AFF1: variants seen among roughly 807,000 people sequenced by gnomAD.
The protein encoded by AFF1 is AF4/FMR2 family member 1.
Under a neutral mutation model 121.7 loss-of-function variants are expected in AFF1, and 48 were observed. The observed-to-expected ratio is 0.39, with a 90% CI of 0.31 to 0.50. AFF1 has a LOEUF of 0.50. Among genes scored for constraint, AFF1 ranks in the 20% least tolerant of loss-of-function variants. AFF1 has a pLI of 0.76. For synonymous variants in AFF1, 613 were observed against 563.0 expected (o/e 1.09, Z -1.26); for missense variants, 1,523 against 1,511.7 (o/e 1.01, Z -0.12).
At chr4:87,098,430 G>C (rs1243992913) in intron 8 of AFF1, among the ~76,000 whole-genome samples, 1 of 152,140 alleles carries the variant, frequency 6.6e-6, no homozygotes, top group Non-Finnish European at 1.5e-5. Flanking sequence ...TCTGTGAAGT[G>C]CTGAGGACAA....
intron 2 of AFF1, among the ~76,000 whole-genome samples, chr4:86,998,168 AAGT>A (rs1194073843): frequency 1.3e-5 from 2 of 151,200 alleles, no homozygotes; most frequent in African/African-American, 4.9e-5. Context: ...AAGAGGGCAG[AAGT>A]AGAACCAATG....
Position 87,134,522 on chromosome 4 carries a change from C to G in AFF1, c.3363C>G (p.Ser1121=), listed in dbSNP as rs138900630. ...CCCCAATGCCTTCTCCTGCCAGCTCCGTAGGGTCCCAGTCAAGTGCTGGCA... is the reference window on the plus strand; with the variant it reads ...CCCCAATGCCTTCTCCTGCCAGCTCGGTAGGGTCCCAGTCAAGTGCTGGCA... ...PLSPMPSPAS[S]VGSQSSAGSV... Residue 1121 remains serine (S), a synonymous_variant, in exon 20 of 21, where the codon TCC becomes TCG. Coordinates refer to ENST00000395146, the MANE Select transcript of AFF1 (RefSeq NM_001166693.3). 1.2e-6 allele frequency: 2 copies of G among 1,613,302 alleles called. No individual in the cohort carries two copies. Among genetic ancestry groups the G allele is most frequent in the African/African-American group, 2.7e-5 (2 of 74,864 alleles).
At chr4:87,041,374 C>G (rs1163454276) in intron 2 of AFF1, among the ~76,000 whole-genome samples, 11 of 152,044 alleles carry the variant, frequency 7.2e-5, no homozygotes, top group Admixed American at 6.5e-4. Flanking sequence ...TTGGTAAGCC[C>G]CAAAAAGGAT....
intron 1 of AFF1, among the ~76,000 whole-genome samples, chr4:86,947,073 C>T (rs966654269): frequency 9.2e-5 from 14 of 152,002 alleles, no homozygotes; most frequent in Admixed American, 5.9e-4. Context: ...GTAGAGCTAG[C>T]GATGCAGAGA....
In AFF1 at chr4:87,134,508, TCTC is replaced by T; in HGVS notation, c.3352_3354del (p.Pro1118del). 1 of 1,611,856 alleles carries T rather than the reference TCTC, an allele frequency of 6.2e-7. No homozygotes were observed. The highest frequency in any genetic ancestry group is 8.5e-7 in the Non-Finnish European group (1 of 1,179,002). ...ACCATCCCCTCTTTCCCCAATGCCT[TCTC>T]CTGCCAGCTCCGTAGGGTCCCAGTC... is the stretch of plus-strand genomic sequence containing the variant. On this transcript the variant is annotated inframe_deletion, in exon 20 of 21. Transcript: ENST00000395146.
intron 12 of AFF1, among the ~76,000 whole-genome samples, chr4:87,123,921 A>G (rs1447171573): frequency 6.6e-6 from 1 of 152,224 alleles, no homozygotes; most frequent in Admixed American, 6.5e-5. Context: ...TAACTTGGTG[A>G]CCTGACACTT....
chr4:86,980,349 G>A (rs1381796245), intron 2 of AFF1, among the ~76,000 whole-genome samples: 3 of 152,188 alleles, frequency 2.0e-5, no homozygotes, highest in African/African-American at 7.2e-5. Context: ...AAACCCAGCT[G>A]GGCATGGCGG....
chr4:87,065,109 A>T (rs951047760), intron 4 of AFF1, among the ~76,000 whole-genome samples: 29 of 152,284 alleles, frequency 1.9e-4, no homozygotes, highest in African/African-American at 6.7e-4. Flanking sequence ...CTGCTTTCAC[A>T]CTGCTGATAA....
intron 3 of AFF1, 25 bp from the exon 4 acceptor site, chr4:87,046,670 T>G (rs755272348): frequency 2.5e-6 from 4 of 1,576,584 alleles, no homozygotes; most frequent in Non-Finnish European, 3.4e-6. Flanking sequence ...TTTTTTTTCA[T>G]TCTCAAATTC....
intron 2 of AFF1, among the ~76,000 whole-genome samples, chr4:86,986,331 C>T (rs1295901390): frequency 6.6e-5 from 10 of 152,050 alleles, no homozygotes; most frequent in Admixed American, 6.6e-5. Context: ...CTTGGCCTCC[C>T]GTAGTGCTGT....
At chr4:87,108,075 G>C (rs1448696026) in intron 10 of AFF1, 84 bp from the exon 11 acceptor site, 1 of 1,490,728 alleles carries the variant, frequency 6.7e-7, no homozygotes, top group South Asian at 1.3e-5. Context: ...CCGCCCTTTT[G>C]AGTAGCAGGA....
intron 4 of AFF1, among the ~76,000 whole-genome samples, chr4:87,076,442 C>A (rs1311310630): frequency 6.6e-6 from 1 of 152,152 alleles, no homozygotes; most frequent in African/African-American, 2.4e-5. Flanking sequence ...GAGCTTATCA[C>A]TTTTAAGGAA....
At chr4:87,006,995 T>G (rs1310058186) in intron 2 of AFF1, 15 of 1,083,354 alleles carry the variant, frequency 1.4e-5, no homozygotes, top group Non-Finnish European at 1.7e-5. Flanking sequence ...AGAGGCAATT[T>G]CTTTTCCTTT....
Position 87,126,413 on chromosome 4 carries a change from T to TA in AFF1, c.2811+78dup, listed in dbSNP as rs368998996. The TA allele has an allele frequency of 7.3e-4, 1,009 of 1,376,982 alleles. 10 individuals carry two copies. The African/African-American group carries it at 0.013, about 18-fold the overall frequency. 85.3% of individuals were successfully genotyped at this position (1,376,982 alleles called of 1,614,324 possible). On this transcript the variant is annotated intron_variant, in intron 14 of 20. Transcript: ENST00000395146. ...TACGTTCCCAAAGAAGACAAGTTGC[T>TA]AGTGATGGCACTTCAGAACTGTCCA...
chr4:86,975,809 A>T (rs572510820), intron 2 of AFF1, among the ~76,000 whole-genome samples: 79 of 152,296 alleles, frequency 5.2e-4, no homozygotes, highest in Middle Eastern at 3.4e-3. Context: ...GACAGAAGTC[A>T]AATATTTAAA....
intron 4 of AFF1, among the ~76,000 whole-genome samples, chr4:87,060,685 A>G (rs1202136660): frequency 1.3e-5 from 2 of 151,976 alleles, no homozygotes; most frequent in African/African-American, 4.8e-5. Context: ...CTAAAAATAC[A>G]AAAATTAGCC....
chr4:87,092,544 GCC>G (rs1017664012), intron 7 of AFF1, among the ~76,000 whole-genome samples: 1 of 151,920 alleles, frequency 6.6e-6, no homozygotes, highest in Non-Finnish European at 1.5e-5. Context: ...TTCTTTTTCA[GCC>G]TGAGGGTTAA....
In AFF1 at chr4:86,988,418, C is replaced by T. The variant is rs111240103; in HGVS notation, c.38+39847C>T. ...GCTACCACATTTGAGTAAAAACATG[C>T]GATATTTGCCTATCTGTAGGACCTT... On this transcript the variant is annotated intron_variant, in intron 2 of 20. Transcript: ENST00000395146. Among the ~76,000 whole-genome samples, 1,400 of 151,978 alleles carry T rather than the reference C, an allele frequency of 9.2e-3. 9 individuals carry two copies. Among genetic ancestry groups the T allele is most frequent in the Non-Finnish European group, 0.015 (989 of 67,968 alleles).
At chr4:86,952,970 C>T (rs1721477364) in intron 2 of AFF1, among the ~76,000 whole-genome samples, 1 of 149,206 alleles carries the variant, frequency 6.7e-6, no homozygotes, top group African/African-American at 2.5e-5. Flanking sequence ...CTACCCACCC[C>T]CACCTTCAGC....
Sources: allele counts gnomAD v4.1 joint callset (sites outside exome capture counted in the v4.1 genomes callset), GRCh38; gene constraint gnomAD v4.1.1; transcripts MANE v1.5; gene names NCBI Gene and HGNC (gene_info 2026-07-23, HGNC 2026-07-21).